Variants in CCBE1 observed in about 807,000 individuals in gnomAD.
CCBE1 encodes the protein collagen and calcium-binding EGF domain-containing protein 1.
Under a neutral mutation model 50.0 loss-of-function variants are expected in CCBE1, and 37 were observed. The ratio of observed to expected loss-of-function variants is 0.74; its 90% CI spans 0.57 to 0.97. The LOEUF (loss-of-function observed/expected upper bound fraction) is 0.97, where lower values mean the gene tolerates loss of function less well. Ranked by LOEUF, CCBE1 falls within the 50% of genes least tolerant of loss-of-function variation. The probability of loss-of-function intolerance (pLI) is 0.00; values close to 1 mark genes in which losing one functional copy is unlikely to be tolerated. For synonymous variants in CCBE1, 234 were observed against 203.7 expected, an observed-to-expected ratio of 1.15 and a Z score of -1.27; for missense variants, 538 against 523.8, an observed-to-expected ratio of 1.03 and a Z score of -0.26.
intron 2 of CCBE1, among the ~76,000 whole-genome samples, chr18:59,685,073 A>G (rs1401175155): frequency 1.3e-5 from 2 of 152,214 alleles, no homozygotes; most frequent in Non-Finnish European, 2.9e-5. Flanking sequence ...TTTCATTTAT[A>G]ATATACTGAG....
At chr18:59,484,047 T>C (rs1325528288) in intron 2 of CCBE1, among the ~76,000 whole-genome samples, 1 of 152,160 alleles carries the variant, frequency 6.6e-6, no homozygotes. Context: ...AAGATATAAA[T>C]TTATGATGAG....
chr18:59,558,799 A>G (rs1363781451), intron 2 of CCBE1, among the ~76,000 whole-genome samples: 1 of 152,236 alleles, frequency 6.6e-6, no homozygotes, highest in Non-Finnish European at 1.5e-5. Flanking sequence ...CTGACTGCAC[A>G]GCTGTGTATG....
intron 5 of CCBE1, among the ~76,000 whole-genome samples, chr18:59,458,126 ATCC>A: frequency 2.0e-4 from 1 of 4,958 alleles, no homozygotes; most frequent in African/African-American, 3.3e-4. Context: ...CCATCAATCC[ATCC>A]ATCCATCCAT....
intron 2 of CCBE1, among the ~76,000 whole-genome samples, chr18:59,664,091 T>C (rs1345543898): frequency 6.6e-6 from 1 of 152,154 alleles, no homozygotes; most frequent in Non-Finnish European, 1.5e-5. Context: ...GCCAGCATGA[T>C]TGGGTTCTGG....
chr18:59,545,612 A>G (rs1034622128), intron 2 of CCBE1, among the ~76,000 whole-genome samples: 10 of 152,332 alleles, frequency 6.6e-5, no homozygotes, highest in African/African-American at 1.7e-4. Context: ...TGAAATACCA[A>G]TGATAAGGTT....
chr18:59,658,134 G>A (rs888791370), intron 2 of CCBE1, among the ~76,000 whole-genome samples: 1 of 150,060 alleles, frequency 6.7e-6, no homozygotes, highest in Non-Finnish European at 1.5e-5. Flanking sequence ...AATATGACTT[G>A]ATTCATATGG....
chr18:59,686,708 T>G lies in CCBE1; in HGVS notation c.212+9921A>C, dbSNP rs544658349. Among the ~76,000 whole-genome samples the G allele has an allele frequency of 1.1e-4, 16 of 152,214 alleles. No individual in the cohort carries two copies. In the South Asian group the frequency reaches 3.3e-3, roughly 32 times the overall value. On this transcript the variant is annotated intron_variant, in intron 2 of 10. Transcript: ENST00000439986. Reference sequence around the variant, plus strand: ...ATCATCATCCCTTTCCTTCCCCACTTCCTCCTTTTTCAGCTGTGTTTCAGA... The same window carrying G: ...ATCATCATCCCTTTCCTTCCCCACTGCCTCCTTTTTCAGCTGTGTTTCAGA...
Position 59,431,419 on chromosome 18 carries a change from C to CT in CCBE1, c.*4488dup, listed in dbSNP as rs1157619569. The CT allele has an allele frequency of 6.6e-6, 1 of 152,182 alleles. No individual in the cohort carries two copies. Among genetic ancestry groups the CT allele is most frequent in the African/African-American group, 2.4e-5 (1 of 41,446 alleles). The allele number at this position is 152,182 out of a possible 1,614,324, so 9.4% of individuals were successfully genotyped here. A position where few individuals can be genotyped will look rare whatever the true frequency, so the allele number is the denominator to read the frequency against. ...GGCCTGGATTCCTCCAATAACTTTC[C>CT]TTTTCAGGAAGGTTATTTGACAGAT... On this transcript the variant is annotated 3_prime_UTR_variant, in exon 11 of 11. Transcript: ENST00000439986.
At chr18:59,524,376 A>G (rs1443829654) in intron 2 of CCBE1, among the ~76,000 whole-genome samples, 1 of 152,152 alleles carries the variant, frequency 6.6e-6, no homozygotes, top group Non-Finnish European at 1.5e-5. Flanking sequence ...ATTTATATTT[A>G]TTTTGCACTT....
At chr18:59,631,086 G>T (rs2053842904) in intron 2 of CCBE1, among the ~76,000 whole-genome samples, 1 of 152,080 alleles carries the variant, frequency 6.6e-6, no homozygotes, top group Non-Finnish European at 1.5e-5. Context: ...ATGCGATTCA[G>T]GTGGTCCCAT....
chr18:59,611,683 T>G (rs1296419144), intron 2 of CCBE1, among the ~76,000 whole-genome samples: 3 of 152,040 alleles, frequency 2.0e-5, no homozygotes, highest in Non-Finnish European at 4.4e-5. Context: ...GAGGCTGAGG[T>G]TGCAGTGAAC....
At chr18:59,648,357 C>G (rs1568252786) in intron 2 of CCBE1, among the ~76,000 whole-genome samples, 2 of 152,152 alleles carry the variant, frequency 1.3e-5, no homozygotes, top group Non-Finnish European at 2.9e-5. Context: ...CTCACAGAAC[C>G]CTGTGACAGA....
intron 2 of CCBE1, among the ~76,000 whole-genome samples, chr18:59,486,715 T>G (rs1044005442): frequency 2.0e-5 from 3 of 152,088 alleles, no homozygotes; most frequent in Admixed American, 2.0e-4. Context: ...GAGACCAGGG[T>G]GCAGCAAGAT....
At chr18:59,549,944 A>G (rs1050336778) in intron 2 of CCBE1, among the ~76,000 whole-genome samples, 1 of 152,234 alleles carries the variant, frequency 6.6e-6, no homozygotes, top group Non-Finnish European at 1.5e-5. Context: ...CCAAGGATAC[A>G]ATAGAGGACC....
chr18:59,687,233 A>G (rs2054667255), intron 2 of CCBE1, among the ~76,000 whole-genome samples: 1 of 152,246 alleles, frequency 6.6e-6, no homozygotes, highest in Non-Finnish European at 1.5e-5. Flanking sequence ...CTTCGAGGAA[A>G]TAGCGCTAGA....
chr18:59,540,006 T>C (rs1037187050), intron 2 of CCBE1, among the ~76,000 whole-genome samples: 1 of 152,224 alleles, frequency 6.6e-6, no homozygotes, highest in Non-Finnish European at 1.5e-5. Context: ...AGAATTCTCT[T>C]TGATGAATTT....
intron 2 of CCBE1, among the ~76,000 whole-genome samples, chr18:59,514,355 C>T (rs996209831): frequency 2.2e-4 from 34 of 151,986 alleles, no homozygotes; most frequent in African/African-American, 7.5e-4. Flanking sequence ...CTCCTCCATC[C>T]GCACGTGGCC....
intron 2 of CCBE1, among the ~76,000 whole-genome samples, chr18:59,583,057 G>T (rs2053109223): frequency 6.6e-6 from 1 of 152,130 alleles, no homozygotes; most frequent in Admixed American, 6.6e-5. Flanking sequence ...GGGCTTAAGT[G>T]ATCCTCTCAC....
rs143664448 is a variant in CCBE1, at chr18:59,457,233, T to C, written c.554-2282A>G. Among the ~76,000 whole-genome samples, 1,045 of 152,250 alleles carry C rather than the reference T, an allele frequency of 6.9e-3. 9 individuals carry two copies. The highest frequency in any genetic ancestry group is 0.024 in the African/African-American group (982 of 41,544). The stretch of plus-strand genomic sequence containing the variant: ...CCTCACCTGTACTCCCTTCAATTGG[T>C]GCACTGGAGGGATGGTTTTGACTCA... On this transcript the variant is annotated intron_variant, in intron 5 of 10. Transcript: ENST00000439986.
Sources: gnomAD v4.1 joint callset for allele counts (sites outside exome capture counted in the v4.1 genomes callset) on GRCh38, gnomAD v4.1.1 for gene constraint, MANE v1.5 for transcripts, NCBI Gene and HGNC (gene_info 2026-07-23, HGNC 2026-07-21) for gene names.